Variants in UST observed in about 807,000 individuals in gnomAD.
UST encodes the protein chondroitin sulfate 2-O-sulfotransferase.
Under a neutral mutation model 45.6 loss-of-function variants are expected in UST, and 21 were observed. The ratio of observed to expected loss-of-function variants is 0.46; its 90% CI spans 0.33 to 0.66. The LOEUF (loss-of-function observed/expected upper bound fraction) is 0.66. Ranked by LOEUF, UST falls within the 30% of genes least tolerant of loss-of-function variation. The pLI is 0.02. For missense variants in UST, 463 were observed against 512.4 expected (o/e 0.90, Z 0.93); for synonymous variants, 215 against 200.6 (o/e 1.07, Z -0.61).
intron 7 of UST, among the ~76,000 whole-genome samples, chr6:149,060,322 T>G (rs1265781860): frequency 6.6e-6 from 1 of 152,210 alleles, no homozygotes; most frequent in Non-Finnish European, 1.5e-5. Context: ...TCTCCCTTCA[T>G]GGCCATACCA....
At chr6:148,936,230 C>T (rs1485940899) in intron 2 of UST, among the ~76,000 whole-genome samples, 1 of 152,046 alleles carries the variant, frequency 6.6e-6, no homozygotes, top group Non-Finnish European at 1.5e-5. Flanking sequence ...AAATTTCATC[C>T]AAATCAAACA....
chr6:149,030,469 G>A (rs1467081724), intron 7 of UST, among the ~76,000 whole-genome samples: 1 of 88,000 alleles, frequency 1.1e-5, no homozygotes, highest in South Asian at 4.5e-4. Flanking sequence ...GCAAGATCCT[G>A]TTTCTACCAA....
At chr6:149,032,738 C>T (rs1417237603) in intron 7 of UST, among the ~76,000 whole-genome samples, 4 of 152,158 alleles carry the variant, frequency 2.6e-5, no homozygotes, top group Admixed American at 2.6e-4. Context: ...GCCCCAGATG[C>T]CCCCCTCTGT....
chr6:148,772,069 G>C (rs998909373), intron 1 of UST, among the ~76,000 whole-genome samples: 19 of 152,192 alleles, frequency 1.2e-4, no homozygotes, highest in African/African-American at 4.3e-4. Flanking sequence ...AAAAGTGAAA[G>C]CATAATATCA....
intron 1 of UST, among the ~76,000 whole-genome samples, chr6:148,857,684 A>G (rs946001203): frequency 2.0e-5 from 3 of 150,822 alleles, no homozygotes; most frequent in African/African-American, 7.3e-5. Flanking sequence ...GAAATTTCCC[A>G]GATGTGAGGC....
rs748512355 is a variant in UST, at chr6:148,991,349, AT to A, written c.681+26794del. 4.6e-5 allele frequency among the ~76,000 whole-genome samples: 7 copies of A among 152,106 alleles called. No individual in the cohort carries two copies. The East Asian group carries it at 9.7e-4, about 21-fold the overall frequency. ...GTCATGCCACCAATAGAACTCATAA[AT>A]TTTTTTTAATTTTTATTTTTATTAT... On this transcript the variant is annotated intron_variant, in intron 5 of 7. Coordinates refer to ENST00000367463, the MANE Select transcript of UST (RefSeq NM_005715.3).
At chr6:148,801,631 C>T (rs1342669256) in intron 1 of UST, among the ~76,000 whole-genome samples, 2 of 152,036 alleles carry the variant, frequency 1.3e-5, no homozygotes, top group Non-Finnish European at 2.9e-5. Context: ...AGATTAAACC[C>T]TCAACCCTCT....
At chr6:148,985,906 G>A (rs1781230325) in intron 5 of UST, among the ~76,000 whole-genome samples, 1 of 152,170 alleles carries the variant, frequency 6.6e-6, no homozygotes, top group Non-Finnish European at 1.5e-5. Context: ...GAGATTTATT[G>A]GGGGAAATGC....
At chr6:149,048,693 A>G (rs1167814963) in intron 7 of UST, among the ~76,000 whole-genome samples, 1 of 152,262 alleles carries the variant, frequency 6.6e-6, no homozygotes, top group Non-Finnish European at 1.5e-5. Flanking sequence ...TTACAAATCC[A>G]TAAGAAAATC....
chr6:148,994,756 G>A (rs955820670), intron 5 of UST, among the ~76,000 whole-genome samples: 7 of 151,962 alleles, frequency 4.6e-5, no homozygotes, highest in African/African-American at 1.7e-4. Flanking sequence ...CCCCCCACCA[G>A]GCTCTTTTCC....
intron 1 of UST, among the ~76,000 whole-genome samples, chr6:148,834,999 A>C (rs576739217): frequency 6.6e-6 from 1 of 152,306 alleles, no homozygotes; most frequent in Admixed American, 6.5e-5. Context: ...ATCCCAAGAA[A>C]CTTGAAAACT....
intron 1 of UST, among the ~76,000 whole-genome samples, chr6:148,758,438 G>A (rs1310544129): frequency 1.3e-5 from 2 of 152,112 alleles, no homozygotes; most frequent in African/African-American, 4.8e-5. Context: ...TGTGTGGAGG[G>A]AGTATGCTGG....
In UST at chr6:148,898,280, T is replaced by C. The variant is rs1449054045; in HGVS notation, c.291+11251T>C. ...ATGATGTGAACATTTTATTTTTAAATAATTATAAGAGCTTCTGAGACCACT... is the reference window on the plus strand; with the variant it reads ...ATGATGTGAACATTTTATTTTTAAACAATTATAAGAGCTTCTGAGACCACT... On this transcript the variant is annotated intron_variant, in intron 2 of 7. Transcript: ENST00000367463. Among the ~76,000 whole-genome samples, 4 of 152,206 alleles carry C rather than the reference T, an allele frequency of 2.6e-5. No homozygotes were observed. In the East Asian group the frequency reaches 7.7e-4, roughly 29 times the overall value.
At chr6:148,800,493 G>A in intron 1 of UST, among the ~76,000 whole-genome samples, 1 of 152,186 alleles carries the variant, frequency 6.6e-6, no homozygotes, top group East Asian at 1.9e-4. Context: ...TTGAGTTTGA[G>A]TTGGAAAGTG....
intron 1 of UST, among the ~76,000 whole-genome samples, chr6:148,821,230 C>G (rs925921568): frequency 6.6e-6 from 1 of 151,770 alleles, no homozygotes; most frequent in Non-Finnish European, 1.5e-5. Context: ...CTCAGCCTCC[C>G]AAAGTGCTGG....
At chr6:148,747,731 C>T (rs928495045) in intron 1 of UST, 54 bp downstream of exon 1, 1 of 1,503,204 alleles carries the variant, frequency 6.7e-7, no homozygotes, top group East Asian at 2.6e-5. Flanking sequence ...AGTTGTGCGG[C>T]GGGGAGAGGG....
intron 5 of UST, among the ~76,000 whole-genome samples, chr6:148,973,848 T>C (rs1325884397): frequency 6.6e-6 from 1 of 152,252 alleles, no homozygotes; most frequent in Non-Finnish European, 1.5e-5. Context: ...TTTGTTGGAA[T>C]CTCAGCTTGA....
chr6:148,956,391 G>A (rs1780504405), intron 4 of UST, among the ~76,000 whole-genome samples: 1 of 152,182 alleles, frequency 6.6e-6, no homozygotes, highest in African/African-American at 2.4e-5. Context: ...GAGAAATGAG[G>A]AAGATGCAAA....
chr6:148,856,396 C>T (rs1353143702), intron 1 of UST, among the ~76,000 whole-genome samples: 1 of 152,132 alleles, frequency 6.6e-6, no homozygotes, highest in Admixed American at 6.6e-5. Context: ...ACAAATAAAA[C>T]CAGAGCCACA....
Sources: allele counts gnomAD v4.1 joint callset (sites outside exome capture counted in the v4.1 genomes callset), GRCh38; gene constraint gnomAD v4.1.1; transcripts MANE v1.5; gene names NCBI Gene and HGNC (gene_info 2026-07-23, HGNC 2026-07-21).